The following CFAP97 variants were observed in gnomAD, a reference collection of about 807,000 sequenced individuals.
CFAP97 encodes cilia- and flagella-associated protein 97.
CFAP97 carries 36 observed loss-of-function variants against 43.1 expected under a neutral mutation model. That is an observed-to-expected ratio of 0.84 (90% CI 0.64 to 1.10). The LOEUF (loss-of-function observed/expected upper bound fraction) is 1.10, where lower values mean the gene tolerates loss of function less well. CFAP97 is among the 50% of genes least tolerant of loss of function. The pLI is 0.00. For missense variants in CFAP97, 657 were observed against 620.3 expected (o/e 1.06, Z -0.63); for synonymous variants, 228 against 225.7 (o/e 1.01, Z -0.09).
intron 1 of CFAP97, among the ~76,000 whole-genome samples, chr4:185,194,191 T>C (rs981678120): frequency 2.0e-5 from 3 of 152,132 alleles, no homozygotes; most frequent in Non-Finnish European, 4.4e-5. Flanking sequence ...TCTGATCCCT[T>C]ACTGAAAAGT....
intron 3 of CFAP97, among the ~76,000 whole-genome samples, chr4:185,168,792 C>T (rs1194360986): frequency 6.6e-6 from 1 of 152,052 alleles, no homozygotes; most frequent in East Asian, 1.9e-4. Context: ...CAACTGTAAT[C>T]CCAGCTACTT....
upstream of CFAP97, chr4:185,204,445 ACCTTTG>A (rs2111442793): frequency 6.6e-6 from 1 of 152,354 alleles, no homozygotes; most frequent in East Asian, 1.9e-4. Flanking sequence ...GAATGGAAAG[ACCTTTG>A]CCGAGTGGTA....
chr4:185,177,933 C>T (rs1560861322), intron 2 of CFAP97, among the ~76,000 whole-genome samples: 1 of 152,090 alleles, frequency 6.6e-6, no homozygotes, highest in South Asian at 2.1e-4. Flanking sequence ...TGTAACTCTA[C>T]TTCCCTACAT....
chr4:185,180,036 T>C (rs1035376797), intron 2 of CFAP97, among the ~76,000 whole-genome samples: 5 of 152,138 alleles, frequency 3.3e-5, no homozygotes, highest in African/African-American at 1.2e-4. Flanking sequence ...TTGAGTTCTA[T>C]GTTGTATATT....
At chr4:185,192,818 G>A (rs1736345164) in intron 1 of CFAP97, among the ~76,000 whole-genome samples, 1 of 140,084 alleles carries the variant, frequency 7.1e-6, no homozygotes, top group South Asian at 2.2e-4. Context: ...TCGGCTCAGT[G>A]CAAGCTCCGC....
chr4:185,180,039 T>C (rs1735720965), intron 2 of CFAP97, among the ~76,000 whole-genome samples: 1 of 152,082 alleles, frequency 6.6e-6, no homozygotes, highest in African/African-American at 2.4e-5. Context: ...AGTTCTATGT[T>C]GTATATTAAT....
At chr4:185,178,700 T>C (rs1735658886) in intron 2 of CFAP97, among the ~76,000 whole-genome samples, 1 of 152,116 alleles carries the variant, frequency 6.6e-6, no homozygotes, top group Non-Finnish European at 1.5e-5. Context: ...AAGAGCAGGA[T>C]CAAAGTGCCT....
intron 1 of CFAP97, among the ~76,000 whole-genome samples, chr4:185,192,771 C>G (rs376894764): frequency 4.7e-5 from 5 of 106,706 alleles, no homozygotes; most frequent in African/African-American, 1.3e-4. Flanking sequence ...GACGGAGTCT[C>G]GCTCTGTCAC....
chr4:185,204,341 A>C (rs752088120), upstream of CFAP97: 1 of 152,256 alleles, frequency 6.6e-6, no homozygotes, highest in South Asian at 2.1e-4. Context: ...AACCAAGAAT[A>C]AAAAAGAACG....
intron 2 of CFAP97, among the ~76,000 whole-genome samples, chr4:185,183,732 T>C (rs1045204084): frequency 6.6e-6 from 1 of 152,240 alleles, no homozygotes; most frequent in Non-Finnish European, 1.5e-5. Context: ...CCTTGGTGGA[T>C]TGTTATATTA....
At chr4:185,209,922 G>A, upstream of CFAP97, 2 of 983,296 alleles carry the variant, frequency 2.0e-6, no homozygotes, top group Non-Finnish European at 2.4e-6. The surrounding 1 kb of genome is among the most constrained non-coding windows in gnomAD (Gnocchi z 5.2). Context: ...TCAGGGGCGA[G>A]CGGCGGCCGG....
At chr4:185,209,605 A>C (rs1406498933), upstream of CFAP97, 1 of 414,306 alleles carries the variant, frequency 2.4e-6, no homozygotes, top group South Asian at 9.9e-5. This position sits in a 1 kb window ranked among gnomAD's most constrained non-coding sequence, Gnocchi z 5.2. Flanking sequence ...TTCAGTCACA[A>C]CACGGTGGGG....
intron 1 of CFAP97, among the ~76,000 whole-genome samples, chr4:185,192,866 G>A (rs992591718): frequency 8.1e-5 from 12 of 147,738 alleles, no homozygotes; most frequent in African/African-American, 2.3e-4. Flanking sequence ...TCAGCCTCCC[G>A]AGTAGCTGGG....
Position 185,209,288 on chromosome 4 carries a change from G to C in CFAP97, c.-74+37C>G, listed in dbSNP as rs189906776. 8.5e-5 allele frequency: 13 copies of C among 152,390 alleles called. No individual in the cohort carries two copies. Among genetic ancestry groups the C allele is most frequent in the Middle Eastern group, 3.4e-3 (1 of 294 alleles). The allele number at this position is 152,390 out of a possible 1,614,324, so 9.4% of individuals were successfully genotyped here. A position where few individuals can be genotyped will look rare whatever the true frequency, so the allele number is the denominator to read the frequency against. On this transcript the variant is annotated intron_variant, in intron 1 of 2. Coordinates refer to the CFAP97 transcript ENST00000503223. This position sits in a 1 kb window ranked among gnomAD's most constrained non-coding sequence, Gnocchi z 5.2. ...TGTAAGCAAAGCGAAGAGGTTACTC[G>C]TCAGTGATGAGCGGAGAGGGAGAAT...
chr4:185,191,095 G>C lies in CFAP97; in HGVS notation c.102C>G (p.Asp34Glu), dbSNP rs746026251. The C allele has an allele frequency of 6.2e-7, 1 of 1,612,354 alleles. No individual in the cohort carries two copies. The highest frequency in any genetic ancestry group is 8.5e-7 in the Non-Finnish European group (1 of 1,179,582). The change falls in exon 2 of 5, where the codon GAC becomes GAG. Residue 34 changes from aspartate to glutamate, a missense_variant. Coordinates refer to ENST00000458385, the MANE Select transcript of CFAP97 (RefSeq NM_020827.3). ...GKKCETNSVF[D>E]KQNDDPKERI... is the part of the protein sequence containing the mutation. ...TTTCCTTTGGGTCATCATTTTGCTT[G>C]TCAAAAACTGAGTTAGTTTCACATT...
upstream of CFAP97, chr4:185,209,719 C>A (rs1428409296): frequency 7.5e-5 from 74 of 983,814 alleles, no homozygotes; most frequent in Non-Finnish European, 8.7e-5. This position sits in a 1 kb window ranked among gnomAD's most constrained non-coding sequence, Gnocchi z 5.2. Context: ...GCCGCTCCCT[C>A]GGTGGGCCGC....
At position 185,188,550 on chromosome 4, in the gene CFAP97, G is replaced by A. The variant is rs1736101787; in HGVS notation, c.1054+1593C>T. On this transcript the variant is annotated intron_variant, in intron 2 of 4. Transcript: ENST00000458385. Reference sequence around the variant, plus strand: ...GCGGAGACGGGGTTTTGCCATGTTGGCCAGGCTGCTCTCAAACTCCTGACC... The same window carrying A: ...GCGGAGACGGGGTTTTGCCATGTTGACCAGGCTGCTCTCAAACTCCTGACC... 2.0e-5 allele frequency among the ~76,000 whole-genome samples: 3 copies of A among 152,170 alleles called. No individual in the cohort carries two copies. The South Asian group carries it at 6.2e-4, about 32-fold the overall frequency.
At chr4:185,197,630 G>C (rs1435253419) in intron 1 of CFAP97, among the ~76,000 whole-genome samples, 1 of 152,146 alleles carries the variant, frequency 6.6e-6, no homozygotes, top group East Asian at 1.9e-4. Flanking sequence ...GTTTCACCGT[G>C]TTAGCCAGGA....
intron 3 of CFAP97, chr4:185,169,663 A>C: frequency 1.0e-6 from 1 of 985,296 alleles, no homozygotes; most frequent in Non-Finnish European, 1.2e-6. Flanking sequence ...ATGTAAACAA[A>C]TAAATGTCTT....
Sources: gnomAD v4.1 joint callset for allele counts (sites outside exome capture counted in the v4.1 genomes callset) on GRCh38, gnomAD v4.1.1 for gene constraint, Gnocchi (gnomAD v3.1) non-coding constraint, MANE v1.5 for transcripts, NCBI Gene and HGNC (gene_info 2026-07-23, HGNC 2026-07-21) for gene names.